Variants in RCAN1 observed in about 807,000 individuals in gnomAD.
The protein encoded by RCAN1 is regulator of calcineurin 1.
Under a neutral mutation model 22.9 loss-of-function variants are expected in RCAN1, and 11 were observed. The observed-to-expected ratio is 0.48, with a 90% CI of 0.30 to 0.79. The LOEUF is 0.79. Among genes scored for constraint, RCAN1 ranks in the 30% least tolerant of loss-of-function variants. The probability of loss-of-function intolerance (pLI) is 0.06; values close to 1 mark genes in which losing one functional copy is unlikely to be tolerated. For missense variants in RCAN1, 291 were observed against 337.8 expected (o/e 0.86, Z 1.09); for synonymous variants, 136 against 142.3 (o/e 0.96, Z 0.32).
intron 1 of RCAN1, among the ~76,000 whole-genome samples, chr21:34,563,037 T>C (rs1986851702): frequency 6.6e-6 from 1 of 152,174 alleles, no homozygotes. Context: ...AACTTCCCCT[T>C]ACCTCCACAC....
intron 1 of RCAN1, among the ~76,000 whole-genome samples, chr21:34,606,709 G>C (rs550233792): frequency 2.6e-5 from 4 of 152,236 alleles, no homozygotes; most frequent in Middle Eastern, 6.8e-3. Flanking sequence ...AATAGGATTA[G>C]TGCTCTTATA....
chr21:34,571,654 C>T (rs548166622), intron 1 of RCAN1, among the ~76,000 whole-genome samples: 4 of 152,266 alleles, frequency 2.6e-5, no homozygotes, highest in South Asian at 2.1e-4. Context: ...TTCCCAGGCT[C>T]GGGTGATCCT....
intron 1 of RCAN1, among the ~76,000 whole-genome samples, chr21:34,597,433 A>G (rs1988198903): frequency 6.6e-6 from 1 of 152,226 alleles, no homozygotes; most frequent in Non-Finnish European, 1.5e-5. Context: ...ACAGGGCAGC[A>G]TCGAGAGTGT....
At chr21:34,527,065 G>GTGA in intron 1 of RCAN1, 2 of 844,352 alleles carry the variant, frequency 2.4e-6, no homozygotes, top group Non-Finnish European at 3.0e-6. Flanking sequence ...AAAAACAGCT[G>GTGA]AGGTTTGCTT....
chr21:34,567,671 C>CG (rs1231400861), intron 1 of RCAN1, among the ~76,000 whole-genome samples: 2 of 152,098 alleles, frequency 1.3e-5, no homozygotes, highest in Non-Finnish European at 2.9e-5. Flanking sequence ...AATCTGAAAT[C>CG]TATTTTCAAA....
chr21:34,528,635 A>T (rs1985206685), intron 1 of RCAN1, among the ~76,000 whole-genome samples: 1 of 152,140 alleles, frequency 6.6e-6, no homozygotes, highest in Non-Finnish European at 1.5e-5. Context: ...AGGTGAGGGG[A>T]GCAGACACAG....
chr21:34,553,270 G>T (rs1261442179), intron 1 of RCAN1, among the ~76,000 whole-genome samples: 1 of 152,168 alleles, frequency 6.6e-6, no homozygotes, highest in Non-Finnish European at 1.5e-5. Context: ...CCAGCTGATA[G>T]TAGGGACGAG....
At chr21:34,551,460 C>T (rs1173383289) in intron 1 of RCAN1, among the ~76,000 whole-genome samples, 1 of 152,114 alleles carries the variant, frequency 6.6e-6, no homozygotes, top group Non-Finnish European at 1.5e-5. Context: ...ATTTAACCTA[C>T]TTTTACTGGG....
intron 1 of RCAN1, among the ~76,000 whole-genome samples, chr21:34,611,469 T>C (rs1410280676): frequency 6.6e-6 from 1 of 152,200 alleles, no homozygotes; most frequent in Non-Finnish European, 1.5e-5. Flanking sequence ...AAACAGCTTC[T>C]GATGTAAATT....
chr21:34,519,027 T>C (rs566853692), intron 3 of RCAN1, among the ~76,000 whole-genome samples: 3 of 152,330 alleles, frequency 2.0e-5, no homozygotes, highest in South Asian at 4.1e-4. Flanking sequence ...TGAAGGCAGC[T>C]CTGAGCCTGG....
intron 1 of RCAN1, among the ~76,000 whole-genome samples, chr21:34,545,700 C>T (rs1373303672): frequency 1.3e-5 from 2 of 152,174 alleles, no homozygotes; most frequent in Non-Finnish European, 2.9e-5. Context: ...TGTTTAGCCT[C>T]CCTGCTGGTC....
At chr21:34,577,824 T>G (rs1987461209) in intron 1 of RCAN1, among the ~76,000 whole-genome samples, 1 of 152,122 alleles carries the variant, frequency 6.6e-6, no homozygotes, top group Non-Finnish European at 1.5e-5. Flanking sequence ...TTGGCTAATA[T>G]GTAGGAGTGA....
intron 1 of RCAN1, among the ~76,000 whole-genome samples, chr21:34,547,954 T>C (rs866935352): frequency 1.3e-5 from 2 of 152,174 alleles, no homozygotes; most frequent in Non-Finnish European, 2.9e-5. Flanking sequence ...TAGGAGGTAA[T>C]TAGGGTTAGG....
At chr21:34,611,595 C>A (rs1988689284) in intron 1 of RCAN1, among the ~76,000 whole-genome samples, 2 of 152,204 alleles carry the variant, frequency 1.3e-5, no homozygotes, top group Non-Finnish European at 2.9e-5. Flanking sequence ...CACACCATCA[C>A]TCTCCAGATC....
chr21:34,526,923 G>T, intron 1 of RCAN1: 1 of 1,418,858 alleles, frequency 7.0e-7, no homozygotes, highest in South Asian at 1.5e-5. Flanking sequence ...TGTTTGGACA[G>T]CAAATTCCTG....
At chr21:34,521,321 C>T in intron 3 of RCAN1, 178 bp downstream of exon 3, 2 of 1,485,704 alleles carry the variant, frequency 1.3e-6, no homozygotes, top group Non-Finnish European at 8.9e-7. Flanking sequence ...CAGGTGGTGC[C>T]AAGAGGCAGG....
At chr21:34,549,878 C>T (rs1431188619) in intron 1 of RCAN1, among the ~76,000 whole-genome samples, 1 of 152,168 alleles carries the variant, frequency 6.6e-6, no homozygotes, top group Non-Finnish European at 1.5e-5. Context: ...CAGAGATGAC[C>T]ATGCCACCCA....
intron 1 of RCAN1, among the ~76,000 whole-genome samples, chr21:34,542,220 C>T (rs1254986770): frequency 1.3e-5 from 2 of 152,146 alleles, no homozygotes; most frequent in African/African-American, 4.8e-5. Flanking sequence ...TCTCCTACAG[C>T]CTTGCCATTC....
intron 1 of RCAN1, among the ~76,000 whole-genome samples, chr21:34,529,856 G>A (rs1350303630): frequency 2.0e-5 from 3 of 152,058 alleles, no homozygotes; most frequent in Admixed American, 1.3e-4. Context: ...AATCATGGGG[G>A]GCCAGTCTTT....
Sources: allele counts gnomAD v4.1 joint callset (sites outside exome capture counted in the v4.1 genomes callset), GRCh38; gene constraint gnomAD v4.1.1; transcripts MANE v1.5; gene names NCBI Gene and HGNC (gene_info 2026-07-23, HGNC 2026-07-21).